The following GUCY1A2 variants were observed in gnomAD, a reference collection of about 807,000 sequenced individuals.
GUCY1A2 encodes guanylate cyclase soluble subunit alpha-2.
GUCY1A2 carries 27 observed loss-of-function variants against 63.5 expected under a neutral mutation model. The observed-to-expected ratio is 0.43, with a 90% confidence interval of 0.31 to 0.59. The LOEUF (loss-of-function observed/expected upper bound fraction) is 0.59. GUCY1A2 is among the 20% of genes least tolerant of loss of function. The probability of loss-of-function intolerance (pLI) is 0.11; values close to 1 mark genes in which losing one functional copy is unlikely to be tolerated. For missense variants in GUCY1A2, 768 were observed against 913.3 expected (o/e 0.84, Z 2.05); for synonymous variants, 364 against 343.5 (o/e 1.06, Z -0.66).
intron 6 of GUCY1A2, among the ~76,000 whole-genome samples, chr11:106,754,509 T>G (rs1267360743): frequency 6.6e-6 from 1 of 152,210 alleles, no homozygotes; most frequent in Non-Finnish European, 1.5e-5. Flanking sequence ...AAATAGCTCT[T>G]ATTATTTTGA....
In GUCY1A2 at chr11:106,988,818, T is replaced by C. The variant is rs567241338; in HGVS notation, c.304-2687A>G. On this transcript the variant is annotated intron_variant, in intron 1 of 7. Coordinates refer to ENST00000526355, the MANE Select transcript of GUCY1A2 (RefSeq NM_000855.3). ...AGCCCTGGCCCCTCCGAATATCTTATCACCATGGATTCATTCCAGTTTTCA... is the reference window on the plus strand; with the variant it reads ...AGCCCTGGCCCCTCCGAATATCTTACCACCATGGATTCATTCCAGTTTTCA... 5.9e-5 allele frequency among the ~76,000 whole-genome samples: 9 copies of C among 152,302 alleles called. No homozygotes were observed. The East Asian group carries it at 1.7e-3, about 29-fold the overall frequency.
chr11:106,685,694 C>T lies in GUCY1A2; in HGVS notation c.*1855G>A. ...TGAGGTGCTCCCAGTCTGCTCTGCTCATACTGGCTGTAAACCTCCCCATTG... is the reference window on the plus strand; with the variant it reads ...TGAGGTGCTCCCAGTCTGCTCTGCTTATACTGGCTGTAAACCTCCCCATTG... On this transcript the variant is annotated 3_prime_UTR_variant, in exon 8 of 8. Coordinates refer to ENST00000526355, the MANE Select transcript of GUCY1A2 (RefSeq NM_000855.3). 4.4e-6 allele frequency: 1 copy of T among 227,884 alleles called. No individual in the cohort carries two copies. Among genetic ancestry groups the T allele is most frequent in the Non-Finnish European group, 8.7e-6 (1 of 114,656 alleles). The allele number at this position is 227,884 out of a possible 1,614,324, so 14.1% of individuals were successfully genotyped here.
intron 4 of GUCY1A2, among the ~76,000 whole-genome samples, chr11:106,858,626 T>C (rs944833913): frequency 2.0e-5 from 3 of 152,110 alleles, no homozygotes; most frequent in African/African-American, 4.8e-5. Context: ...CTGGCACGTA[T>C]AGACCCAAGA....
chr11:106,842,809 T>C (rs138375534), intron 4 of GUCY1A2, among the ~76,000 whole-genome samples: 1,965 of 152,044 alleles, frequency 0.013, 25 homozygotes, highest in South Asian at 0.048. Context: ...GAGCTTGTGA[T>C]TCTCAAATAA....
At chr11:106,839,460 C>T (rs973594504) in intron 4 of GUCY1A2, among the ~76,000 whole-genome samples, 7 of 151,858 alleles carry the variant, frequency 4.6e-5, no homozygotes, top group East Asian at 3.9e-4. Flanking sequence ...GCAATTCCTC[C>T]GGGATCTAGA....
chr11:106,933,490 G>A (rs1007738814), intron 4 of GUCY1A2, among the ~76,000 whole-genome samples: 3 of 152,180 alleles, frequency 2.0e-5, no homozygotes, highest in Non-Finnish European at 2.9e-5. Context: ...CTTATACGTT[G>A]TTGGTGGGAC....
At chr11:106,722,600 A>C (rs1417299257) in intron 6 of GUCY1A2, among the ~76,000 whole-genome samples, 1 of 152,130 alleles carries the variant, frequency 6.6e-6, no homozygotes, top group Non-Finnish European at 1.5e-5. Flanking sequence ...CTCTTCTTTT[A>C]ACCTGGGCTT....
intron 4 of GUCY1A2, among the ~76,000 whole-genome samples, chr11:106,868,583 A>G (rs1355781019): frequency 6.6e-6 from 1 of 152,294 alleles, no homozygotes; most frequent in East Asian, 1.9e-4. Flanking sequence ...AGAACTACAA[A>G]CCACTGCTCA....
intron 4 of GUCY1A2, among the ~76,000 whole-genome samples, chr11:106,921,660 T>C (rs1860445893): frequency 6.6e-6 from 1 of 152,104 alleles, no homozygotes; most frequent in African/African-American, 2.4e-5. Flanking sequence ...ATAGTAATTT[T>C]ACCCCCTAGG....
chr11:106,775,593 A>T (rs966830176), intron 6 of GUCY1A2, among the ~76,000 whole-genome samples: 1 of 151,672 alleles, frequency 6.6e-6, no homozygotes, highest in Non-Finnish European at 1.5e-5. Context: ...TTAACCCAAT[A>T]TTTTCATAAT....
chr11:106,923,859 C>T (rs1389375289), intron 4 of GUCY1A2, among the ~76,000 whole-genome samples: 1 of 152,074 alleles, frequency 6.6e-6, no homozygotes, highest in Non-Finnish European at 1.5e-5. Flanking sequence ...TACCATATAT[C>T]AGAGGAAATT....
intron 1 of GUCY1A2, among the ~76,000 whole-genome samples, chr11:107,004,393 T>C (rs1161591806): frequency 6.6e-6 from 1 of 152,216 alleles, no homozygotes. Context: ...TGATCAATTC[T>C]GGCTCCATAG....
chr11:106,963,210 A>T (rs1037848579), intron 3 of GUCY1A2, among the ~76,000 whole-genome samples: 8 of 152,144 alleles, frequency 5.3e-5, no homozygotes, highest in Non-Finnish European at 7.4e-5. Context: ...GGGAAGCAAT[A>T]AAAAAATCAG....
chr11:106,794,173 A>T, intron 5 of GUCY1A2, among the ~76,000 whole-genome samples: 1 of 151,582 alleles, frequency 6.6e-6, no homozygotes, highest in South Asian at 2.1e-4. Context: ...CAGCCATAAT[A>T]AAGAACAAAA....
intron 6 of GUCY1A2, among the ~76,000 whole-genome samples, chr11:106,728,719 CCGA>C (rs1406656507): frequency 6.6e-6 from 1 of 152,088 alleles, no homozygotes; most frequent in African/African-American, 2.4e-5. Context: ...TTTATAATTA[CCGA>C]AGATCAATAT....
intron 4 of GUCY1A2, among the ~76,000 whole-genome samples, chr11:106,931,828 T>A (rs998381392): frequency 3.3e-5 from 5 of 152,132 alleles, no homozygotes; most frequent in Admixed American, 1.3e-4. Context: ...CAGTTGGAGG[T>A]AGGAGCAGGA....
intron 4 of GUCY1A2, among the ~76,000 whole-genome samples, chr11:106,822,914 G>A (rs923485501): frequency 6.6e-5 from 10 of 152,152 alleles, no homozygotes; most frequent in South Asian, 4.1e-4. Flanking sequence ...GGAAGAGGGA[G>A]AATAGGGAAT....
intron 3 of GUCY1A2, among the ~76,000 whole-genome samples, chr11:106,945,198 C>A (rs1565339547): frequency 6.8e-6 from 1 of 146,492 alleles, no homozygotes. Flanking sequence ...TTTTAAGTTG[C>A]AAGAGAAAAC....
intron 5 of GUCY1A2, among the ~76,000 whole-genome samples, chr11:106,797,922 A>AGAACT (rs1214979316): frequency 9.9e-5 from 15 of 152,216 alleles, no homozygotes; most frequent in African/African-American, 2.4e-5. Context: ...AAATCAGAGC[A>AGAACT]GAACTGAAGG....
Sources: allele counts gnomAD v4.1 joint callset (sites outside exome capture counted in the v4.1 genomes callset), GRCh38; gene constraint gnomAD v4.1.1; transcripts MANE v1.5; gene names NCBI Gene and HGNC (gene_info 2026-07-23, HGNC 2026-07-21).